The following C12orf42 variants were observed in gnomAD, a reference collection of about 807,000 sequenced individuals.
C12orf42 encodes the protein chromosome 12 open reading frame 42, also known as uncharacterized protein C12orf42.
C12orf42 carries 25 observed loss-of-function variants against 21.6 expected under a neutral mutation model. That is an observed-to-expected ratio of 1.16 (90% CI 0.84 to 1.62). C12orf42 has a LOEUF of 1.62. Ranked by LOEUF, C12orf42 falls within the 40% of genes most tolerant of loss-of-function variation. The pLI, the probability that C12orf42 is intolerant of heterozygous loss-of-function variation, is 0.00. For synonymous variants in C12orf42, 174 were observed against 175.0 expected (o/e 0.99, Z 0.05); for missense variants, 483 against 459.3 (o/e 1.05, Z -0.47).
chr12:103,382,674 A>C (rs2046284507), intron 3 of C12orf42, among the ~76,000 whole-genome samples: 1 of 152,250 alleles, frequency 6.6e-6, no homozygotes, highest in Non-Finnish European at 1.5e-5. Context: ...TGCAGAAATT[A>C]TAGCTGAGAG....
chr12:103,438,518 A>T (rs924392774), intron 2 of C12orf42, among the ~76,000 whole-genome samples: 1 of 152,080 alleles, frequency 6.6e-6, no homozygotes, highest in East Asian at 1.9e-4. Context: ...TCATTGTCTC[A>T]GCCCAAAATC....
chr12:103,333,250 G>C (rs747364757), intron 4 of C12orf42, among the ~76,000 whole-genome samples: 3 of 152,098 alleles, frequency 2.0e-5, no homozygotes, highest in Non-Finnish European at 2.9e-5. Context: ...TTCCTTATTG[G>C]CTATCTGACT....
chr12:103,224,701 G>A, the C12orf42 span, among the ~76,000 whole-genome samples: 5 of 152,082 alleles, frequency 3.3e-5, no homozygotes, highest in African/African-American at 9.7e-5. Flanking sequence ...GAACTGTAGA[G>A]AGTGAGTTGA....
chr12:103,227,919 G>A, the C12orf42 span, among the ~76,000 whole-genome samples: 1 of 152,212 alleles, frequency 6.6e-6, no homozygotes, highest in Admixed American at 6.5e-5. Flanking sequence ...GAGGGACAGT[G>A]AGAGAGGTTG....
At chr12:103,073,336 T>C in the C12orf42 span, among the ~76,000 whole-genome samples, 1 of 152,060 alleles carries the variant, frequency 6.6e-6, no homozygotes. Flanking sequence ...AAATAGAAGT[T>C]TACAAATAAT....
the C12orf42 span, among the ~76,000 whole-genome samples, chr12:103,509,582 C>T: frequency 3.3e-5 from 5 of 152,134 alleles, no homozygotes; most frequent in African/African-American, 1.2e-4. Context: ...GTACTAGATA[C>T]TGCACATGGT....
intron 3 of C12orf42, among the ~76,000 whole-genome samples, chr12:103,384,941 A>C (rs910761206): frequency 2.0e-5 from 3 of 152,190 alleles, no homozygotes; most frequent in Non-Finnish European, 4.4e-5. Context: ...CATGCAAATC[A>C]TGGTCGTCTG....
chr12:103,222,080 G>C, the C12orf42 span, among the ~76,000 whole-genome samples: 81 of 152,282 alleles, frequency 5.3e-4, no homozygotes, highest in African/African-American at 1.8e-3. Flanking sequence ...GATGTCATAT[G>C]CATATTTTTG....
chr12:103,225,013 A>C, the C12orf42 span, among the ~76,000 whole-genome samples: 1 of 152,188 alleles, frequency 6.6e-6, no homozygotes, highest in African/African-American at 2.4e-5. Flanking sequence ...TTTGGGCTTG[A>C]CTGAAGTAAT....
At chr12:103,237,807 G>T (rs527871455) in exon 11 of C12orf42, 1 of 152,208 alleles carries the variant, frequency 6.6e-6, no homozygotes, top group Non-Finnish European at 1.5e-5. Context: ...GATTCCAAGA[G>T]AGCTAAAGGG....
upstream of C12orf42, among the ~76,000 whole-genome samples, chr12:103,500,459 T>C (rs1240765068): frequency 1.3e-5 from 2 of 152,202 alleles, no homozygotes. Flanking sequence ...GGTAGAAGGC[T>C]TGTGACTTAA....
At chr12:103,365,258 T>C (rs1593630323) in intron 4 of C12orf42, among the ~76,000 whole-genome samples, 1 of 152,010 alleles carries the variant, frequency 6.6e-6, no homozygotes, top group East Asian at 1.9e-4. Flanking sequence ...GAAAAAGCAT[T>C]TGACAAAATC....
intron 10 of C12orf42, among the ~76,000 whole-genome samples, chr12:103,259,450 C>T (rs1307921044): frequency 6.6e-6 from 1 of 151,926 alleles, no homozygotes; most frequent in South Asian, 2.1e-4. Flanking sequence ...GGCTAATTTT[C>T]GTATTTTTAG....
rs200130397 is a variant in C12orf42 at position 103,286,253 on chromosome 12, AAAATAAATAAATAAAT to A, written n.338-9059_338-9044del. Reference sequence around the variant, plus strand: ...GTGACAGAGCAAGACTCCATCTCAAAAAATAAATAAATAAATAAATAAATAAATAAATAAATAAATA... The same window carrying A: ...GTGACAGAGCAAGACTCCATCTCAAAAAATAAATAAATAAATAAATAAATA... On this transcript the variant is annotated intron_variant and non_coding_transcript_variant, in intron 4 of 6. Coordinates refer to the C12orf42 transcript ENST00000546526. Among the ~76,000 whole-genome samples the A allele has an allele frequency of 0.012, 1,755 of 146,000 alleles. 89 individuals carry two copies. The East Asian group carries it at 0.19, about 16-fold the overall frequency.
intron 3 of C12orf42, among the ~76,000 whole-genome samples, chr12:103,369,721 C>A (rs2137919509): frequency 6.6e-6 from 1 of 152,018 alleles, no homozygotes; most frequent in Non-Finnish European, 1.5e-5. Context: ...AAGTAAGGAT[C>A]CAATTTGATT....
the C12orf42 span, among the ~76,000 whole-genome samples, chr12:103,201,617 A>G: frequency 6.6e-6 from 1 of 152,180 alleles, no homozygotes; most frequent in Non-Finnish European, 1.5e-5. Context: ...TGAGTTCTTC[A>G]GCAACTCCTC....
the C12orf42 span, among the ~76,000 whole-genome samples, chr12:103,129,760 A>C: frequency 6.6e-6 from 1 of 152,286 alleles, no homozygotes; most frequent in Non-Finnish European, 1.5e-5. Flanking sequence ...CCAGAAAGCT[A>C]AATATGTCTT....
chr12:103,351,820 A>AATTTCAGTCT (rs1389863457), intron 4 of C12orf42, among the ~76,000 whole-genome samples: 2 of 152,172 alleles, frequency 1.3e-5, no homozygotes, highest in Admixed American at 1.3e-4. Context: ...TTTAAATCTT[A>AATTTCAGTCT]ATTTCAGTCT....
At chr12:103,143,683 T>C in the C12orf42 span, among the ~76,000 whole-genome samples, 4 of 152,360 alleles carry the variant, frequency 2.6e-5, no homozygotes, top group South Asian at 6.2e-4. Flanking sequence ...AAGAAGTGTC[T>C]ACAGAGTCTT....
Sources: allele counts gnomAD v4.1 joint callset (sites outside exome capture counted in the v4.1 genomes callset), GRCh38; gene constraint gnomAD v4.1.1; transcripts MANE v1.5; gene names NCBI Gene and HGNC (gene_info 2026-07-23, HGNC 2026-07-21).